Variants in SART3 observed in about 807,000 individuals in gnomAD.
SART3 encodes spliceosome associated factor 3, U4/U6 recycling protein.
Under a neutral mutation model 122.3 loss-of-function variants are expected in SART3, and 44 were observed. That is an observed-to-expected ratio of 0.36 (90% CI 0.28 to 0.46). The LOEUF (loss-of-function observed/expected upper bound fraction) is 0.46, where lower values mean the gene tolerates loss of function less well. Among genes scored for constraint, SART3 ranks in the 20% least tolerant of loss-of-function variants. The pLI is 1.00. For synonymous variants in SART3, 442 were observed against 454.0 expected, an observed-to-expected ratio of 0.97 and a Z score of 0.34; for missense variants, 1,101 against 1,229.0, an observed-to-expected ratio of 0.90 and a Z score of 1.56.
intron 18 of SART3, chr12:108,523,839 G>C (rs1872244916): frequency 1.6e-6 from 1 of 625,242 alleles, no homozygotes; most frequent in South Asian, 2.0e-5. Context: ...TTTTGGCAAA[G>C]ATCAACCCTG....
At chr12:108,542,954 C>T in intron 6 of SART3, 74 bp downstream of exon 6, 1 of 1,564,368 alleles carries the variant, frequency 6.4e-7, no homozygotes, top group South Asian at 1.1e-5. Flanking sequence ...TTTAAAGATA[C>T]TGTTTAACTC....
chr12:108,538,001 C>A (rs1330483425), intron 8 of SART3, 64 bp downstream of exon 8: 1 of 1,606,822 alleles, frequency 6.2e-7, no homozygotes, highest in Non-Finnish European at 8.5e-7. Context: ...ATGACTTTGT[C>A]ACCGCTCTCT....
At position 108,528,070 on chromosome 12, in the gene SART3, A is replaced by G. The variant is rs549739731; in HGVS notation, c.1916-1517T>C. On this transcript the variant is annotated intron_variant, in intron 15 of 18. Transcript: ENST00000546815. ...ATGAGCTACCGCGCCCAGCCACCAG[A>G]GACAATTCTTTACCTTGACTGACTC... Among the ~76,000 whole-genome samples the G allele has an allele frequency of 1.4e-4, 22 of 152,234 alleles. No individual in the cohort carries two copies. The South Asian group carries it at 4.3e-3, about 30-fold the overall frequency.
At chr12:108,531,515 C>T (rs892571760) in intron 13 of SART3, 2 of 472,636 alleles carry the variant, frequency 4.2e-6, no homozygotes, top group South Asian at 5.3e-5. Context: ...ATTAAGGGCT[C>T]TAAATGGCAA....
At chr12:108,558,119 T>C (rs763485932) in intron 1 of SART3, among the ~76,000 whole-genome samples, 1 of 151,900 alleles carries the variant, frequency 6.6e-6, no homozygotes, top group African/African-American at 2.4e-5. Flanking sequence ...CAGTGAGCCA[T>C]GATCACACCA....
intron 14 of SART3, 57 bp from the exon 15 acceptor site, chr12:108,530,367 G>C (rs1296859594): frequency 1.9e-6 from 3 of 1,582,832 alleles, no homozygotes; most frequent in Non-Finnish European, 1.7e-6. Flanking sequence ...TCACTGTACT[G>C]ATTTGTCATG....
intron 16 of SART3, 134 bp from the exon 17 acceptor site, chr12:108,525,743 T>C: frequency 1.1e-6 from 1 of 906,082 alleles, no homozygotes; most frequent in Non-Finnish European, 1.8e-6. Flanking sequence ...CTCTGAAACT[T>C]GTTAATGGGG....
At chr12:108,524,712 T>C (rs1872287605) in intron 17 of SART3, 1 of 609,048 alleles carries the variant, frequency 1.6e-6, no homozygotes, top group Non-Finnish European at 2.9e-6. Flanking sequence ...AGTGCTGCTA[T>C]GCACTGTAAC....
In SART3 at chr12:108,547,929, GCT is replaced by G; in HGVS notation, c.500_501del (p.Glu167AlafsTer4). 1.2e-6 allele frequency: 2 copies of G among 1,613,698 alleles called. No individual in the cohort carries two copies. Among genetic ancestry groups the G allele is most frequent in the Non-Finnish European group, 8.5e-7 (1 of 1,179,980 alleles). On this transcript the variant is annotated frameshift_variant, in exon 3 of 19. Coordinates refer to ENST00000546815, the MANE Select transcript of SART3 (RefSeq NM_014706.4). LOFTEE classifies it high-confidence loss of function. ...ISMAQDGLDR[E>X]HVYDLFEKAV... ...GCTTTCTCAAAGAGGTCATACACGT[GCT>G]CTCTGTCCAGGCCATCCTGGGCCAT...
At position 108,538,177 on chromosome 12, in the gene SART3, C is replaced by T; in HGVS notation, c.1089G>A (p.Leu363=). 6.2e-7 allele frequency: 1 copy of T among 1,614,128 alleles called. No homozygotes were observed. Among genetic ancestry groups the T allele is most frequent in the African/African-American group, 1.3e-5 (1 of 75,024 alleles). Reference sequence around the variant, plus strand: ...TAGCGCGGTTATGTACAGATAAAACCAAATCCTTTACTTTCAGTTGTCGAT... The same window carrying T: ...TAGCGCGGTTATGTACAGATAAAACTAAATCCTTTACTTTCAGTTGTCGAT... ...YLDRQLKVKD[L]VLSVHNRAIR... is the part of the protein sequence containing the mutation. Residue 363 remains leucine (L), a synonymous_variant, in exon 8 of 19, where the codon TTG becomes TTA. Transcript: ENST00000546815.
chr12:108,560,706 A>C, intron 1 of SART3, 137 bp downstream of exon 1: 1 of 670,834 alleles, frequency 1.5e-6, no homozygotes, highest in Non-Finnish European at 2.5e-6. Context: ...CAAATCCGAC[A>C]GGAGCTACTG....
Position 108,524,760 on chromosome 12 carries a change from T to G in SART3, c.2524-254A>C, listed in dbSNP as rs540991485. ...TTCCAAGTTCAGCACACCTTGTACG[T>G]GCTGCAGAAGTAGAAAGAAAGAAGG... On this transcript the variant is annotated intron_variant, in intron 17 of 18. Coordinates refer to ENST00000546815, the MANE Select transcript of SART3 (RefSeq NM_014706.4). 6 of 563,888 alleles carry G rather than the reference T, an allele frequency of 1.1e-5. No individual in the cohort carries two copies. The East Asian group carries it at 1.8e-4, about 17-fold the overall frequency. 34.9% of individuals were successfully genotyped at this position (563,888 alleles called of 1,614,324 possible).
At chr12:108,524,603 G>C in intron 17 of SART3, 97 bp from the exon 18 acceptor site, 2 of 1,123,252 alleles carry the variant, frequency 1.8e-6, no homozygotes, top group Non-Finnish European at 2.7e-6. Context: ...CCGGAGACCA[G>C]CAGACCAGGC....
intron 15 of SART3, among the ~76,000 whole-genome samples, chr12:108,528,211 A>C (rs1475350580): frequency 2.0e-5 from 3 of 152,092 alleles, no homozygotes; most frequent in Non-Finnish European, 4.4e-5. Context: ...GGCCAGGTGC[A>C]GTGTCTCATG....
chr12:108,556,474 A>G (rs1045785606), intron 1 of SART3, among the ~76,000 whole-genome samples: 2 of 152,252 alleles, frequency 1.3e-5, no homozygotes, highest in African/African-American at 2.4e-5. Context: ...AATTACAGAT[A>G]AGAACATGAT....
chr12:108,525,770 C>A lies in SART3; in HGVS notation c.2371-161G>T. 5 of 734,620 alleles carry A rather than the reference C, an allele frequency of 6.8e-6. 1 individual carries two copies. In the South Asian group the frequency reaches 7.6e-5, roughly 11 times the overall value. The allele number at this position is 734,620 out of a possible 1,614,324, so 45.5% of individuals were successfully genotyped here. A position where few individuals can be genotyped will look rare whatever the true frequency, so the allele number is the denominator to read the frequency against. On this transcript the variant is annotated intron_variant, in intron 16 of 18. Coordinates refer to ENST00000546815, the MANE Select transcript of SART3 (RefSeq NM_014706.4). ...TTAATGGGGCCACCGGAGCGAGTCA[C>A]TTAACCTCTCCAGGCCTCCATGTCT...
intron 6 of SART3, chr12:108,542,762 GTGAT>G (rs1181169782): frequency 7.3e-6 from 4 of 544,826 alleles, no homozygotes; most frequent in Non-Finnish European, 1.4e-5. Flanking sequence ...AGTCAGGAAA[GTGAT>G]TACCTCTCGG....
intron 8 of SART3, 90 bp from the exon 9 acceptor site, chr12:108,537,685 T>C: frequency 1.0e-6 from 1 of 962,336 alleles, no homozygotes; most frequent in Non-Finnish European, 1.7e-6. Flanking sequence ...AAACACTACA[T>C]GACTTTAAAG....
intron 13 of SART3, chr12:108,531,899 G>C: frequency 2.7e-6 from 1 of 368,390 alleles, no homozygotes; most frequent in Non-Finnish European, 5.2e-6. Context: ...GTCATGTTTG[G>C]TTGTGGTGGT....
Sources: gnomAD v4.1 joint callset for allele counts (sites outside exome capture counted in the v4.1 genomes callset) on GRCh38, gnomAD v4.1.1 for gene constraint, MANE v1.5 for transcripts, NCBI Gene and HGNC (gene_info 2026-07-23, HGNC 2026-07-21) for gene names.